NOP14: variants seen among roughly 807,000 people sequenced by gnomAD.
NOP14 encodes NOP14 nucleolar protein, also known as nucleolar protein 14.
In NOP14, 57 loss-of-function variants were observed where a neutral mutation model predicts 101.6. The observed-to-expected ratio is 0.56, with a 90% CI of 0.45 to 0.70. The LOEUF (loss-of-function observed/expected upper bound fraction) is 0.70, where lower values mean the gene tolerates loss of function less well. Ranked by LOEUF, NOP14 falls within the 30% of genes least tolerant of loss-of-function variation. The pLI, the probability that NOP14 is intolerant of heterozygous loss-of-function variation, is 0.00. For synonymous variants in NOP14, 428 were observed against 424.0 expected (o/e 1.01, Z -0.12); for missense variants, 1,134 against 1,075.5 (o/e 1.05, Z -0.76).
At chr4:2,942,886 C>G (rs1313358753) in intron 13 of NOP14, among the ~76,000 whole-genome samples, 1 of 152,098 alleles carries the variant, frequency 6.6e-6, no homozygotes, top group Non-Finnish European at 1.5e-5. Context: ...GCAATCCAGG[C>G]CGAGGGTGTG....
At chr4:2,960,685 T>C (rs967874028) in intron 1 of NOP14, among the ~76,000 whole-genome samples, 3 of 127,236 alleles carry the variant, frequency 2.4e-5, no homozygotes, top group African/African-American at 9.3e-5. Context: ...ATTATATTAA[T>C]ATTATAATCA....
Position 2,946,498 on chromosome 4 carries a change from T to G in NOP14, c.1549A>C (p.Ile517Leu), listed in dbSNP as rs747917083. Residue 517 changes from isoleucine (I) to leucine (L), a missense_variant, in exon 11 of 18, where the codon ATC becomes CTC. By Grantham distance (5) the Ile-to-Leu change is conservative. Transcript: ENST00000416614. ...ATCGCATCTCGGAGAACAAATTTGA[T>G]AGCGTCACTTGCAGATTCAGGAAAC... ...QMFPESASDA[I>L]KFVLRDAMHE... The G allele has an allele frequency of 2.2e-5, 36 of 1,614,028 alleles. No individual in the cohort carries two copies. The South Asian group carries it at 4.0e-4, about 18-fold the overall frequency.
At chr4:2,942,062 C>T (rs532233490) in intron 14 of NOP14, 130 bp downstream of exon 14, 23 of 858,436 alleles carry the variant, frequency 2.7e-5, no homozygotes, top group Middle Eastern at 3.5e-4. Context: ...GAAAGGCTTT[C>T]GGCCTCCATC....
At chr4:2,947,643 A>G in intron 9 of NOP14, 32 bp from the exon 10 acceptor site, 1 of 1,548,780 alleles carries the variant, frequency 6.5e-7, no homozygotes, top group South Asian at 1.1e-5. Context: ...AATAAAGCTC[A>G]GTGCTCAGCA....
At chr4:2,939,478 C>G in intron 16 of NOP14, 49 bp downstream of exon 16, 1 of 1,598,920 alleles carries the variant, frequency 6.3e-7, no homozygotes, top group Non-Finnish European at 8.6e-7. Context: ...CGTCAGCTCC[C>G]ACTGAGCCCA....
Position 2,938,745 on chromosome 4 carries a change from C to CAAT in NOP14, c.*83_*85dup. Reference sequence around the variant, plus strand: ...CTGGTCTCGAACTCCTGGGCTGAAGCAATCTTCCTGCCTTGGCCTCCCAGA... The same window carrying CAAT: ...CTGGTCTCGAACTCCTGGGCTGAAGCAATAATCTTCCTGCCTTGGCCTCCCAGA... On this transcript the variant is annotated 3_prime_UTR_variant, in exon 18 of 18. Coordinates refer to ENST00000416614, the MANE Select transcript of NOP14 (RefSeq NM_001291978.2). 4.5e-6 allele frequency: 5 copies of CAAT among 1,102,386 alleles called. 1 individual carries two copies. In the South Asian group the frequency reaches 6.8e-5, roughly 15 times the overall value. 68.3% of individuals were successfully genotyped at this position (1,102,386 alleles called of 1,614,324 possible).
rs1431564479 is a variant in NOP14, at chr4:2,952,365, A to C, written c.780T>G (p.Leu260=). ...PDAYDMMVRE[L]GFEMKAQPSN... is the part of the protein sequence containing the mutation. ...AGGGCTGCGCCTTCATTTCAAAGCCAAGCTCGCGAACCATCATGTCATATG... is the reference window on the plus strand; with the variant it reads ...AGGGCTGCGCCTTCATTTCAAAGCCCAGCTCGCGAACCATCATGTCATATG... The change falls in exon 6 of 18, where the codon CTT becomes CTG. Residue 260 remains leucine (L), a synonymous_variant. Coordinates refer to ENST00000416614, the MANE Select transcript of NOP14 (RefSeq NM_001291978.2). 1 of 1,613,196 alleles carries C rather than the reference A, an allele frequency of 6.2e-7. No individual in the cohort carries two copies.
intron 6 of NOP14, 85 bp downstream of exon 6, chr4:2,952,190 T>C: frequency 7.1e-7 from 1 of 1,405,760 alleles, no homozygotes; most frequent in Non-Finnish European, 9.8e-7. Flanking sequence ...CAGAGTATTC[T>C]CTTCAGCCCA....
intron 4 of NOP14, 34 bp from the exon 5 acceptor site, chr4:2,953,679 C>A: frequency 1.2e-6 from 2 of 1,612,234 alleles, no homozygotes; most frequent in Non-Finnish European, 1.7e-6. Context: ...CACCACATAC[C>A]GTTACTACTG....
At position 2,941,653 on chromosome 4, in the gene NOP14, C is replaced by T. The variant is rs779991665; in HGVS notation, c.2128G>A (p.Ala710Thr). 1.3e-5 allele frequency: 21 copies of T among 1,613,404 alleles called. No homozygotes were observed. The highest frequency in any genetic ancestry group is 1.7e-5 in the Admixed American group (1 of 59,976). ...LMYGSLPSFH[A>T]IMGPLQALLT... ...AGGGCTTGGAGAGGCCCCATGATGG[C>T]GTGGAAGGATGGCAGGGACCCGTAC... Residue 710 changes from alanine (A) to threonine (T), a missense_variant, in exon 15 of 18, where the codon GCC becomes ACC. Physicochemically the swap from Ala to Thr is moderately conservative, Grantham distance 58. Transcript: ENST00000416614.
chr4:2,947,084 C>T, intron 10 of NOP14: 1 of 226,530 alleles, frequency 4.4e-6, no homozygotes. Context: ...GCAACGAGGG[C>T]AGGAGCTCGC....
At chr4:2,953,481 G>A in intron 5 of NOP14, 30 bp downstream of exon 5, 1 of 1,612,234 alleles carries the variant, frequency 6.2e-7, no homozygotes, top group Non-Finnish European at 8.5e-7. Context: ...CTCAGTGAGT[G>A]AAGAGTTTGT....
intron 4 of NOP14, 51 bp from the exon 5 acceptor site, chr4:2,953,696 A>G: frequency 6.2e-7 from 1 of 1,603,782 alleles, no homozygotes; most frequent in Non-Finnish European, 8.5e-7. Context: ...ACTGGACTTC[A>G]ACCCAGAGGC....
chr4:2,957,482 G>C, intron 2 of NOP14, 124 bp downstream of exon 2: 2 of 1,141,766 alleles, frequency 1.8e-6, no homozygotes, highest in Non-Finnish European at 2.5e-6. Context: ...CAGGATTCGA[G>C]GGCTATCCCC....
intron 12 of NOP14, among the ~76,000 whole-genome samples, 183 bp from the exon 13 acceptor site, chr4:2,944,409 T>G (rs899802873): frequency 5.2e-5 from 7 of 133,738 alleles, no homozygotes; most frequent in African/African-American, 2.0e-4. Flanking sequence ...AGAGCTTTAG[T>G]GATTTTTTTT....
At position 2,963,340 on chromosome 4, in the gene NOP14, CAAG is replaced by C. The variant is rs754391749; in HGVS notation, c.-24_-22del. 8 of 1,548,984 alleles carry C rather than the reference CAAG, an allele frequency of 5.2e-6. No homozygotes were observed. The highest frequency in any genetic ancestry group is 6.1e-6 in the Non-Finnish European group (7 of 1,153,578). ...GCCATGGCGCGCGCCCCGCTGCGCC[CAAG>C]GGCCCGAGACCCGAAGAGAGACAGG... is the stretch of plus-strand genomic sequence containing the variant. On this transcript the variant is annotated 5_prime_UTR_variant, in exon 1 of 18. Transcript: ENST00000416614.
intron 1 of NOP14, chr4:2,961,721 C>G (rs530790958): frequency 2.0e-5 from 3 of 152,416 alleles, no homozygotes; most frequent in African/African-American, 4.8e-5. Flanking sequence ...GTAACTCCCT[C>G]TAGAAGAATT....
chr4:2,947,621 C>T lies in NOP14; in HGVS notation c.1414-10G>A, dbSNP rs748653445. 1 of 1,611,574 alleles carries T rather than the reference C, an allele frequency of 6.2e-7. No individual in the cohort carries two copies. Among genetic ancestry groups the T allele is most frequent in the South Asian group, 1.1e-5 (1 of 91,040 alleles). Reference sequence around the variant, plus strand: ...GAAAGCCAAACAGTTTCTGCAGGAACATGAATTGGGAAATAAAGCTCAGTG... The same window carrying T: ...GAAAGCCAAACAGTTTCTGCAGGAATATGAATTGGGAAATAAAGCTCAGTG... On this transcript the variant is annotated splice_polypyrimidine_tract_variant and intron_variant, in intron 9 of 17. Transcript: ENST00000416614.
intron 6 of NOP14, among the ~76,000 whole-genome samples, chr4:2,951,525 T>C (rs902564718): frequency 6.6e-6 from 1 of 152,236 alleles, no homozygotes; most frequent in South Asian, 2.1e-4. Context: ...AGCCCAATTC[T>C]GCTGGCCAGC....
Sources: gnomAD v4.1 joint callset for allele counts (sites outside exome capture counted in the v4.1 genomes callset) on GRCh38, gnomAD v4.1.1 for gene constraint, MANE v1.5 for transcripts, NCBI Gene and HGNC (gene_info 2026-07-23, HGNC 2026-07-21) for gene names.